Variants in DIAPH3 observed in about 807,000 individuals in gnomAD.
DIAPH3 encodes protein diaphanous homolog 3.
In DIAPH3, 117 loss-of-function variants were observed where a neutral mutation model predicts 144.3. The observed-to-expected ratio is 0.81, with a 90% CI of 0.70 to 0.95. The LOEUF is 0.95. Ranked by LOEUF, DIAPH3 falls within the 40% of genes least tolerant of loss-of-function variation. The pLI, the probability that DIAPH3 is intolerant of heterozygous loss-of-function variation, is 0.00. For synonymous variants in DIAPH3, 519 were observed against 488.9 expected, an observed-to-expected ratio of 1.06 and a Z score of -0.81; for missense variants, 1,421 against 1,412.7, an observed-to-expected ratio of 1.01 and a Z score of -0.09.
intron 20 of DIAPH3, among the ~76,000 whole-genome samples, chr13:59,880,104 T>C (rs1177082161): frequency 1.3e-5 from 2 of 152,126 alleles, no homozygotes; most frequent in African/African-American, 4.8e-5. Context: ...CCCACAAATC[T>C]ATCACATGCC....
chr13:60,126,062 A>G (rs1171748810), intron 2 of DIAPH3, among the ~76,000 whole-genome samples: 7 of 152,246 alleles, frequency 4.6e-5, no homozygotes, highest in Non-Finnish European at 1.0e-4. Flanking sequence ...TTATTTCTCA[A>G]TTGGAGGAAA....
chr13:59,737,891 G>C (rs1449174157), intron 27 of DIAPH3, among the ~76,000 whole-genome samples: 1 of 152,122 alleles, frequency 6.6e-6, no homozygotes, highest in African/African-American at 2.4e-5. Flanking sequence ...ATTAGGCCGG[G>C]CACAGTGGCT....
intron 22 of DIAPH3, among the ~76,000 whole-genome samples, chr13:59,848,525 T>A (rs1413049448): frequency 1.4e-5 from 2 of 144,054 alleles, no homozygotes; most frequent in South Asian, 2.3e-4. Flanking sequence ...GTCCATGTGA[T>A]CTCATTGTTC....
intron 1 of DIAPH3, among the ~76,000 whole-genome samples, chr13:60,149,983 T>G (rs1171342267): frequency 6.6e-6 from 1 of 152,110 alleles, no homozygotes; most frequent in Non-Finnish European, 1.5e-5. Context: ...TTTGTACTCC[T>G]ACATTGTTGG....
intron 2 of DIAPH3, among the ~76,000 whole-genome samples, chr13:60,131,186 T>C (rs1231844056): frequency 6.6e-6 from 1 of 152,056 alleles, no homozygotes; most frequent in Admixed American, 6.6e-5. Flanking sequence ...CCCAAAACTT[T>C]TGGAGGCCAC....
chr13:59,937,893 A>C (rs1010320408), intron 17 of DIAPH3, among the ~76,000 whole-genome samples: 1 of 152,088 alleles, frequency 6.6e-6, no homozygotes, highest in Non-Finnish European at 1.5e-5. Flanking sequence ...GGTAGAAAAG[A>C]GGAGGAGAAG....
chr13:59,955,116 T>C (rs1280559120), intron 17 of DIAPH3, among the ~76,000 whole-genome samples: 1 of 151,368 alleles, frequency 6.6e-6, no homozygotes, highest in East Asian at 1.9e-4. Context: ...ACACACACAC[T>C]TTTATATATA....
intron 25 of DIAPH3, among the ~76,000 whole-genome samples, chr13:59,792,058 C>A (rs1047351358): frequency 2.6e-5 from 4 of 152,112 alleles, no homozygotes; most frequent in African/African-American, 9.7e-5. Context: ...TCTCTACTAC[C>A]TCAATTTCTT....
intron 18 of DIAPH3, among the ~76,000 whole-genome samples, chr13:59,921,311 C>A (rs1324281065): frequency 6.7e-6 from 1 of 148,956 alleles, no homozygotes; most frequent in Non-Finnish European, 1.5e-5. Flanking sequence ...CCAAAAATTT[C>A]ATTTTTGGAA....
chr13:60,072,501 C>T (rs373097618), intron 4 of DIAPH3, among the ~76,000 whole-genome samples: 1 of 152,232 alleles, frequency 6.6e-6, no homozygotes, highest in African/African-American at 2.4e-5. Context: ...GTATTCCTTG[C>T]TCTTCTCTAT....
intron 27 of DIAPH3, among the ~76,000 whole-genome samples, chr13:59,704,753 TGTA>T (rs1021407490): frequency 1.8e-4 from 28 of 152,244 alleles, no homozygotes. Context: ...AGTCTAGATG[TGTA>T]GTAGGCTATC....
intron 1 of DIAPH3, among the ~76,000 whole-genome samples, chr13:60,154,359 G>T (rs1012303388): frequency 6.6e-6 from 1 of 152,144 alleles, no homozygotes; most frequent in Non-Finnish European, 1.5e-5. Context: ...GAACGGTTAA[G>T]TAATTGCTCA....
At chr13:59,806,335 T>G (rs1356213341) in intron 25 of DIAPH3, among the ~76,000 whole-genome samples, 1 of 151,880 alleles carries the variant, frequency 6.6e-6, no homozygotes, top group Non-Finnish European at 1.5e-5. Context: ...CGAAGAAAAA[T>G]TACATAAAGT....
chr13:59,960,973 T>C (rs2049722881), intron 17 of DIAPH3, among the ~76,000 whole-genome samples: 1 of 152,128 alleles, frequency 6.6e-6, no homozygotes, highest in Admixed American at 6.5e-5. Flanking sequence ...AAGACATACA[T>C]AAAAATGAAA....
chr13:59,903,988 T>C (rs554803906), intron 20 of DIAPH3, among the ~76,000 whole-genome samples: 2 of 152,276 alleles, frequency 1.3e-5, no homozygotes, highest in African/African-American at 2.4e-5. Flanking sequence ...TATTCCAGTA[T>C]AATACAAGCC....
intron 21 of DIAPH3, among the ~76,000 whole-genome samples, chr13:59,865,991 G>T (rs899924675): frequency 6.6e-6 from 1 of 151,806 alleles, no homozygotes. Context: ...TATAATCTAG[G>T]TATGTATCAA....
intron 17 of DIAPH3, among the ~76,000 whole-genome samples, chr13:59,951,137 T>C (rs951329154): frequency 6.6e-6 from 1 of 152,140 alleles, no homozygotes; most frequent in Non-Finnish European, 1.5e-5. Context: ...AAATCTCCTA[T>C]TGTAGTTCCC....
chr13:59,980,900 T>C, intron 13 of DIAPH3, 41 bp from the exon 14 acceptor site: 1 of 1,517,298 alleles, frequency 6.6e-7, no homozygotes, highest in East Asian at 2.3e-5. Context: ...GTGAAACTTC[T>C]TAAACTCATT....
intron 13 of DIAPH3, among the ~76,000 whole-genome samples, chr13:59,981,686 A>G (rs1354187388): frequency 6.6e-6 from 1 of 151,404 alleles, no homozygotes; most frequent in Non-Finnish European, 1.5e-5. Flanking sequence ...GTTTATAAAA[A>G]TATATTACAG....
Sources: gnomAD v4.1 joint callset for allele counts (sites outside exome capture counted in the v4.1 genomes callset) on GRCh38, gnomAD v4.1.1 for gene constraint, MANE v1.5 for transcripts, NCBI Gene and HGNC (gene_info 2026-07-23, HGNC 2026-07-21) for gene names.